Variants in NOVA1 observed in about 807,000 individuals in gnomAD.
NOVA1 encodes RNA-binding protein Nova-1.
In NOVA1, 7 loss-of-function variants were observed where a neutral mutation model predicts 38.0. The observed-to-expected ratio is 0.18, with a 90% CI of 0.10 to 0.35. NOVA1 has a LOEUF of 0.35. Among genes scored for constraint, NOVA1 ranks in the 10% least tolerant of loss-of-function variants. The probability of loss-of-function intolerance (pLI) is 1.00; values close to 1 mark genes in which losing one functional copy is unlikely to be tolerated. For missense variants in NOVA1, 460 were observed against 616.0 expected (o/e 0.75, Z 2.68); for synonymous variants, 270 against 232.5 (o/e 1.16, Z -1.47).
intron 2 of NOVA1, among the ~76,000 whole-genome samples, chr14:26,487,676 A>G (rs561524847): frequency 6.6e-6 from 1 of 152,284 alleles, no homozygotes; most frequent in South Asian, 2.1e-4. Flanking sequence ...TAACACATTT[A>G]AGAAAATCGC....
At chr14:26,485,000 T>C (rs545443674) in intron 2 of NOVA1, among the ~76,000 whole-genome samples, 61 of 150,900 alleles carry the variant, frequency 4.0e-4, no homozygotes, top group African/African-American at 1.4e-3. Context: ...CTAGTTCATG[T>C]GGACAGACAC....
chr14:26,498,434 T>A (rs1161629599), intron 2 of NOVA1, among the ~76,000 whole-genome samples: 1 of 152,142 alleles, frequency 6.6e-6, no homozygotes, highest in Non-Finnish European at 1.5e-5. Context: ...AATCCTTATA[T>A]CATTTATCTA....
At chr14:26,483,379 T>A (rs893562551) in intron 2 of NOVA1, among the ~76,000 whole-genome samples, 1 of 152,192 alleles carries the variant, frequency 6.6e-6, no homozygotes. Flanking sequence ...AATATTCCCA[T>A]CAGTAGGAAA....
intron 2 of NOVA1, among the ~76,000 whole-genome samples, chr14:26,587,916 C>T (rs1893627459): frequency 6.6e-6 from 1 of 151,074 alleles, no homozygotes; most frequent in Admixed American, 6.6e-5. Context: ...GTATTTTCTA[C>T]AGCAGCAAAT....
chr14:26,595,656 A>G, intron 1 of NOVA1, 103 bp from the exon 2 acceptor site: 6 of 910,806 alleles, frequency 6.6e-6, no homozygotes, highest in East Asian at 2.6e-5. Context: ...CACTGGGTAT[A>G]TAACTGCAGG....
intron 2 of NOVA1, among the ~76,000 whole-genome samples, chr14:26,564,274 G>A (rs532547824): frequency 2.6e-5 from 4 of 152,058 alleles, no homozygotes; most frequent in Admixed American, 2.0e-4. Context: ...TGTAGCTAAC[G>A]GTACTAACAG....
chr14:26,516,476 C>A (rs1428536915), intron 2 of NOVA1, among the ~76,000 whole-genome samples: 1 of 152,046 alleles, frequency 6.6e-6, no homozygotes, highest in Non-Finnish European at 1.5e-5. Context: ...TTCTTTTCCC[C>A]AACAGCTATG....
chr14:26,586,913 T>G (rs1365940090), intron 2 of NOVA1, among the ~76,000 whole-genome samples: 3 of 150,622 alleles, frequency 2.0e-5, no homozygotes, highest in Admixed American at 1.3e-4. Context: ...TCTCAGTTTT[T>G]TTTTTTTTTT....
chr14:26,496,809 T>A (rs1227527988), intron 2 of NOVA1, among the ~76,000 whole-genome samples: 1 of 152,280 alleles, frequency 6.6e-6, no homozygotes, highest in East Asian at 1.9e-4. Context: ...GTTGTAGATA[T>A]GCGGCGTTAT....
chr14:26,448,241 T>C lies in NOVA1; in HGVS notation c.1242A>G (p.Glu414=), dbSNP rs376814283. ...PLAASAILGT[E]KSTDGSKDVV... ...CATCCTTGGATCCATCTGTGGACTT[T>C]TCTGTTCCTAGAATGGCACTGGCAG... Residue 414 remains glutamate (E), a synonymous_variant, in exon 5 of 5, where the codon GAA becomes GAG. Transcript: ENST00000539517. This position sits in a 1 kb window ranked among gnomAD's most constrained non-coding sequence, Gnocchi z 5.3. 1 of 1,614,242 alleles carries C rather than the reference T, an allele frequency of 6.2e-7. No homozygotes were observed. Among genetic ancestry groups the C allele is most frequent in the Non-Finnish European group, 8.5e-7 (1 of 1,180,044 alleles).
intron 2 of NOVA1, among the ~76,000 whole-genome samples, chr14:26,511,739 A>G (rs1047279376): frequency 6.6e-6 from 1 of 151,482 alleles, no homozygotes; most frequent in African/African-American, 2.4e-5. Context: ...TGACAGAGTG[A>G]GACTGTGTCT....
intron 2 of NOVA1, among the ~76,000 whole-genome samples, chr14:26,536,085 T>C (rs1472059342): frequency 1.3e-5 from 2 of 152,038 alleles, no homozygotes; most frequent in African/African-American, 4.8e-5. Flanking sequence ...GAGATGATTA[T>C]GTTAAGTGAA....
chr14:26,579,459 T>A (rs749201185), intron 2 of NOVA1, among the ~76,000 whole-genome samples: 46 of 152,290 alleles, frequency 3.0e-4, no homozygotes, highest in Non-Finnish European at 5.1e-4. Context: ...AATCTAAGAA[T>A]CAGTATAATC....
intron 2 of NOVA1, among the ~76,000 whole-genome samples, chr14:26,506,846 C>A (rs3794481): frequency 0.2 from 30,686 of 152,022 alleles, 3,323 homozygotes; most frequent in East Asian, 0.33. Flanking sequence ...TCCCAAAGTG[C>A]TGGGATTACA....
chr14:26,537,389 ACT>A (rs1028977624), intron 2 of NOVA1, among the ~76,000 whole-genome samples: 15 of 152,118 alleles, frequency 9.9e-5, no homozygotes, highest in Admixed American at 2.6e-4. Flanking sequence ...ATAAATGATA[ACT>A]CTATATTCAA....
chr14:26,486,077 A>G (rs1291918722), intron 2 of NOVA1, among the ~76,000 whole-genome samples: 1 of 152,200 alleles, frequency 6.6e-6, no homozygotes, highest in Non-Finnish European at 1.5e-5. Context: ...CTAATTTTGG[A>G]TAGCTAATAT....
chr14:26,493,946 C>T (rs1229059299), intron 2 of NOVA1, among the ~76,000 whole-genome samples: 1 of 152,174 alleles, frequency 6.6e-6, no homozygotes, highest in Non-Finnish European at 1.5e-5. Context: ...AAAGAAAGGT[C>T]AGTGGTATCA....
chr14:26,577,301 T>G (rs2138748883), intron 2 of NOVA1, among the ~76,000 whole-genome samples: 1 of 152,240 alleles, frequency 6.6e-6, no homozygotes, highest in East Asian at 1.9e-4. Context: ...ATATCGATAC[T>G]GATATTTCTT....
At chr14:26,545,941 C>A (rs1243635087) in intron 2 of NOVA1, among the ~76,000 whole-genome samples, 2 of 151,898 alleles carry the variant, frequency 1.3e-5, no homozygotes, top group Non-Finnish European at 2.9e-5. Context: ...AGGTTTCTGG[C>A]ATCAGTAGTC....
Sources: gnomAD v4.1 joint callset for allele counts (sites outside exome capture counted in the v4.1 genomes callset) on GRCh38, gnomAD v4.1.1 for gene constraint, Gnocchi (gnomAD v3.1) non-coding constraint, MANE v1.5 for transcripts, NCBI Gene and HGNC (gene_info 2026-07-23, HGNC 2026-07-21) for gene names.